The following NBEAL1 variants were observed in gnomAD, a reference collection of about 807,000 sequenced individuals.
NBEAL1 encodes neurobeachin-like protein 1.
In NBEAL1, 273 loss-of-function variants were observed where a neutral mutation model predicts 351.3. The ratio of observed to expected loss-of-function variants is 0.78; its 90% confidence interval spans 0.70 to 0.86. The LOEUF is 0.86. NBEAL1 is among the 40% of genes least tolerant of loss of function. The pLI is 0.00. For synonymous variants in NBEAL1, 1,050 were observed against 1,086.4 expected, an observed-to-expected ratio of 0.97 and a Z score of 0.66; for missense variants, 2,961 against 3,201.3, an observed-to-expected ratio of 0.92 and a Z score of 1.81.
intron 51 of NBEAL1, among the ~76,000 whole-genome samples, chr2:203,207,605 G>T (rs2065644886): frequency 6.6e-6 from 1 of 152,196 alleles, no homozygotes; most frequent in African/African-American, 2.4e-5. Context: ...GTTGATCTGT[G>T]ACCTTACCCC....
chr2:203,125,858 C>A, intron 20 of NBEAL1, 102 bp from the exon 21 acceptor site: 1 of 995,050 alleles, frequency 1.0e-6, no homozygotes, highest in Non-Finnish European at 1.4e-6. Context: ...GACTGCTGAA[C>A]CAGATTTCTA....
rs139820617 is a variant in NBEAL1, at chr2:203,071,304, G to C, written c.598+2829G>C. ...TTGAGATCTGTCTTTGTGGCTTGCA[G>C]ATAGTCACCTTCTTGCTGTGTCCTC... On this transcript the variant is annotated intron_variant, in intron 7 of 55. Transcript: ENST00000683969. 5.3e-5 allele frequency among the ~76,000 whole-genome samples: 8 copies of C among 152,302 alleles called. No individual in the cohort carries two copies. In the East Asian group the frequency reaches 1.5e-3, roughly 29 times the overall value.
At chr2:203,184,091 A>G (rs1308113034) in intron 44 of NBEAL1, among the ~76,000 whole-genome samples, 17 of 150,900 alleles carry the variant, frequency 1.1e-4, no homozygotes, top group Admixed American at 4.6e-4. Flanking sequence ...AAAAAAAAAA[A>G]AAAAAAAAGA....
intron 44 of NBEAL1, among the ~76,000 whole-genome samples, chr2:203,187,739 C>T (rs1280779824): frequency 1.5e-5 from 2 of 135,114 alleles, no homozygotes; most frequent in African/African-American, 2.7e-5. Flanking sequence ...CGAGAGACTT[C>T]GTCCCAAAAA....
rs749022567 is a variant in NBEAL1, at chr2:203,099,717, A to G, written c.1269+5A>G. The G allele has an allele frequency of 1.3e-6, 2 of 1,531,556 alleles. No homozygotes were observed. Among genetic ancestry groups the G allele is most frequent in the Non-Finnish European group, 1.8e-6 (2 of 1,137,382 alleles). 94.9% of individuals were successfully genotyped at this position (1,531,556 alleles called of 1,614,324 possible). On this transcript the variant is annotated splice_donor_5th_base_variant and intron_variant, in intron 12 of 55. Transcript: ENST00000683969. ...AACAAATCTCCAGCTGCTAAGGTGAAACATATATCCTCCAGCTTTTTTTTT... is the reference window on the plus strand; with the variant it reads ...AACAAATCTCCAGCTGCTAAGGTGAGACATATATCCTCCAGCTTTTTTTTT...
chr2:203,117,363 T>C (rs2062723754), intron 18 of NBEAL1, among the ~76,000 whole-genome samples: 1 of 151,878 alleles, frequency 6.6e-6, no homozygotes, highest in Non-Finnish European at 1.5e-5. Flanking sequence ...CTCTGGAGGC[T>C]GAGGCAGGAG....
rs1192031628 is a variant in NBEAL1 at position 203,077,677 on chromosome 2, C to G, written c.599-75C>G. ...CACAAATAGTTCTTCGTGTTTGCAT[C>G]AGACATTCCTTAGAGATAAATCATA... On this transcript the variant is annotated intron_variant, in intron 7 of 55. Coordinates refer to ENST00000683969, the MANE Select transcript of NBEAL1 (RefSeq NM_001378026.1). 5 of 864,252 alleles carry G rather than the reference C, an allele frequency of 5.8e-6. No individual in the cohort carries two copies. In the South Asian group the frequency reaches 8.9e-5, roughly 15 times the overall value. The allele number at this position is 864,252 out of a possible 1,614,324, so 53.5% of individuals were successfully genotyped here. A position where few individuals can be genotyped will look rare whatever the true frequency, so the allele number is the denominator to read the frequency against.
intron 10 of NBEAL1, among the ~76,000 whole-genome samples, chr2:203,095,992 G>A (rs1354781672): frequency 1.3e-5 from 2 of 152,008 alleles, no homozygotes; most frequent in African/African-American, 4.8e-5. Context: ...CCTGACCTCA[G>A]GTGATCCGCC....
At chr2:203,027,614 C>T (rs188105325) in intron 2 of NBEAL1, among the ~76,000 whole-genome samples, 21 of 152,204 alleles carry the variant, frequency 1.4e-4, no homozygotes, top group Admixed American at 7.9e-4. Context: ...TGAATTTATA[C>T]CTCTTTTTTA....
rs2063287504 is a variant in NBEAL1 at position 203,138,736 on chromosome 2, G to A, written c.4836G>A (p.Arg1612=). ...AGTTGCTTCTAGGATTCATTGGAAG[G>A]GGTAATTTGCAGGTTTGTCCATTCT... ...QIQLLLGFIG[R]GNLQVCAMAS... The change falls in exon 31 of 56, where the codon AGG becomes AGA. Residue 1612 remains arginine (R), a synonymous_variant. Coordinates refer to ENST00000683969, the MANE Select transcript of NBEAL1 (RefSeq NM_001378026.1). 6.2e-7 allele frequency: 1 copy of A among 1,610,918 alleles called. No individual in the cohort carries two copies. Among genetic ancestry groups the A allele is most frequent in the Non-Finnish European group, 8.5e-7 (1 of 1,179,122 alleles).
In NBEAL1 at chr2:203,041,852, A is replaced by G; in HGVS notation, c.139A>G (p.Thr47Ala). The G allele has an allele frequency of 6.4e-7, 1 of 1,551,068 alleles. No individual in the cohort carries two copies. The highest frequency in any genetic ancestry group is 8.7e-7 in the Non-Finnish European group (1 of 1,145,668). Residue 47 changes from threonine to alanine, a missense_variant, in exon 3 of 56, where the codon ACC becomes GCC. Transcript: ENST00000683969. ...AGACGTTGACTTTGAAAAGCTGCCT[A>G]CCAGGTATGTAGAAACGCTAATTTG... ...FLDVDFEKLPTRVDDMPPGIS... is the reference protein window; with the variant it reads ...FLDVDFEKLPARVDDMPPGIS...
Position 203,180,378 on chromosome 2 carries a change from G to A in NBEAL1, c.6465-4G>A. ...TTTACTTCTCTTTTAATTTCTACAT[G>A]CAGGTTTGACTGTGCAGATCGACAG... On this transcript the variant is annotated splice_region_variant and splice_polypyrimidine_tract_variant and intron_variant, in intron 42 of 55. Transcript: ENST00000683969. 6.3e-7 allele frequency: 1 copy of A among 1,594,610 alleles called. No homozygotes were observed. Among genetic ancestry groups the A allele is most frequent in the Middle Eastern group, 1.7e-4 (1 of 5,964 alleles).
chr2:203,183,329 A>T lies in NBEAL1; in HGVS notation c.6646A>T (p.Ile2216Phe), dbSNP rs1410728545. The T allele has an allele frequency of 1.2e-6, 2 of 1,603,950 alleles. No individual in the cohort carries two copies. The highest frequency in any genetic ancestry group is 1.7e-6 in the Non-Finnish European group (2 of 1,176,110). Reference sequence around the variant, plus strand: ...TTCCAAAGAATTAGTAAATGATGTCATTCTCCCGAAATGGGCTAAATCAGC... The same window carrying T: ...TTCCAAAGAATTAGTAAATGATGTCTTTCTCCCGAAATGGGCTAAATCAGC... ...QISKELVNDVILPKWAKSAED... is the reference protein window; with the variant it reads ...QISKELVNDVFLPKWAKSAED... Residue 2216 changes from isoleucine to phenylalanine, a missense_variant, in exon 44 of 56, where the codon ATT becomes TTT. Coordinates refer to ENST00000683969, the MANE Select transcript of NBEAL1 (RefSeq NM_001378026.1).
chr2:203,038,286 A>G (rs1038632256), intron 2 of NBEAL1, among the ~76,000 whole-genome samples: 1 of 149,016 alleles, frequency 6.7e-6, no homozygotes, highest in African/African-American at 2.4e-5. Context: ...TATTTAACTT[A>G]AACTTTTCTA....
chr2:203,171,983 T>TG lies in NBEAL1; in HGVS notation c.6160dup (p.Ala2054GlyfsTer6), dbSNP rs778794512. 3.7e-6 allele frequency: 6 copies of TG among 1,608,718 alleles called. No individual in the cohort carries two copies. In the Admixed American group the frequency reaches 5.1e-5, roughly 14 times the overall value. On this transcript the variant is annotated frameshift_variant, in exon 40 of 56. Transcript: ENST00000683969. LOFTEE classifies it high-confidence loss of function. ...GACTACCTCATTCAAATAAATACAATGGCAGGACGAACCTATAATGACCTT... is the reference window on the plus strand; with the variant it reads ...GACTACCTCATTCAAATAAATACAATGGGCAGGACGAACCTATAATGACCTT...
intron 12 of NBEAL1, among the ~76,000 whole-genome samples, chr2:203,106,195 A>G (rs767211578): frequency 6.6e-6 from 1 of 152,228 alleles, no homozygotes; most frequent in Non-Finnish European, 1.5e-5. Flanking sequence ...GCACATGATA[A>G]GTGCTAAATA....
At position 203,049,780 on chromosome 2, in the gene NBEAL1, A is replaced by G. The variant is rs1161376954; in HGVS notation, c.144-34A>G. On this transcript the variant is annotated intron_variant, in intron 3 of 55. Coordinates refer to ENST00000683969, the MANE Select transcript of NBEAL1 (RefSeq NM_001378026.1). Reference sequence around the variant, plus strand: ...CCAGAGATTTTCTTCTTGTATTTCAACAGGCTTCTTATTTTTTTCCCTTTC... The same window carrying G: ...CCAGAGATTTTCTTCTTGTATTTCAGCAGGCTTCTTATTTTTTTCCCTTTC... 3 of 1,488,466 alleles carry G rather than the reference A, an allele frequency of 2.0e-6. No individual in the cohort carries two copies. In the Admixed American group the frequency reaches 7.6e-5, roughly 38 times the overall value. 92.2% of individuals were successfully genotyped at this position (1,488,466 alleles called of 1,614,324 possible).
At chr2:203,179,768 T>G (rs1161331823) in intron 42 of NBEAL1, among the ~76,000 whole-genome samples, 1 of 152,124 alleles carries the variant, frequency 6.6e-6, no homozygotes, top group Admixed American at 6.6e-5. Flanking sequence ...TATAATAAAT[T>G]TTATTCAGCA....
intron 35 of NBEAL1, among the ~76,000 whole-genome samples, chr2:203,152,447 A>G: frequency 6.6e-6 from 1 of 150,836 alleles, no homozygotes; most frequent in African/African-American, 2.4e-5. Flanking sequence ...AAAATTAGCC[A>G]GGCATGGTGG....
Sources: allele counts gnomAD v4.1 joint callset (sites outside exome capture counted in the v4.1 genomes callset), GRCh38; gene constraint gnomAD v4.1.1; transcripts MANE v1.5; gene names NCBI Gene and HGNC (gene_info 2026-07-23, HGNC 2026-07-21).